CR1: variants seen among roughly 807,000 people sequenced by gnomAD.
CR1 encodes the protein complement C3b/C4b receptor 1 (Knops blood group), also known as complement receptor type 1.
CR1 carries 116 observed loss-of-function variants against 187.3 expected under a neutral mutation model. That is an observed-to-expected ratio of 0.62 (90% CI 0.53 to 0.72). The LOEUF is 0.72. Ranked by LOEUF, CR1 falls within the 30% of genes least tolerant of loss-of-function variation. The pLI is 0.00. For missense variants in CR1, 1,731 were observed against 2,110.7 expected, an observed-to-expected ratio of 0.82 and a Z score of 3.52; for synonymous variants, 576 against 747.1, an observed-to-expected ratio of 0.77 and a Z score of 3.73.
intron 4 of CR1, among the ~76,000 whole-genome samples, chr1:207,522,756 TTTTTAA>T (rs148227078): frequency 0.013 from 2,050 of 152,348 alleles, 47 homozygotes; most frequent in African/African-American, 0.046. Context: ...AAAATTTTTA[TTTTTAA>T]TTTTAATTCA....
chr1:207,615,413 T>G (rs1314299959), intron 40 of CR1, among the ~76,000 whole-genome samples: 2 of 152,174 alleles, frequency 1.3e-5, no homozygotes, highest in Admixed American at 6.5e-5. Flanking sequence ...ATATGATAAA[T>G]TAGTACGATG....
rs752881313 is a variant in CR1, at chr1:207,523,816, G to A, written c.693G>A (p.Gln231=). ...GCATCTGGAGCGGCCCCGCCCCTCA[G>A]TGCATTATACCTAACAAATGCACGC... ...QVGIWSGPAP[Q]CIIPNKCTPP... is the part of the protein sequence containing the mutation. Residue 231 remains glutamine (Q), a synonymous_variant, in exon 5 of 47, where the codon CAG becomes CAA. Transcript: ENST00000367049. 9.3e-6 allele frequency: 15 copies of A among 1,611,746 alleles called. No individual in the cohort carries two copies. In the African/African-American group the frequency reaches 1.7e-4, roughly 19 times the overall value.
intron 41 of CR1, among the ~76,000 whole-genome samples, chr1:207,617,616 GAGAGAGAGAGAGAGAGA>G (rs1240760350): frequency 4.4e-4 from 6 of 13,506 alleles, no homozygotes; most frequent in African/African-American, 1.2e-3. Flanking sequence ...TATATATAGA[GAGAGAGAGAGAGAGAGA>G]GAGAGAGAGA....
intron 45 of CR1, among the ~76,000 whole-genome samples, chr1:207,625,387 A>G (rs980651339): frequency 3.3e-5 from 5 of 152,256 alleles, no homozygotes; most frequent in Admixed American, 1.3e-4. Context: ...CCTCCCAAAC[A>G]TCTATGTAAC....
chr1:207,508,252 G>A (rs1426955918), intron 3 of CR1, among the ~76,000 whole-genome samples: 1 of 152,208 alleles, frequency 6.6e-6, no homozygotes, highest in Non-Finnish European at 1.5e-5. Context: ...AAGTCATATA[G>A]TGTACAATAC....
chr1:207,580,678 T>C, intron 31 of CR1, 65 bp downstream of exon 31: 1 of 1,432,514 alleles, frequency 7.0e-7, no homozygotes, highest in Non-Finnish European at 9.7e-7. Flanking sequence ...AGCTTAAGGA[T>C]CAATCCAAAA....
Position 207,639,997 on chromosome 1 carries a change from T to C in CR1, c.*588T>C, listed in dbSNP as rs1662933512. ...GTCTTTTAAACAGTTTAGAGTGAAATATATGCTATATCAGTTTTTACTTTC... is the reference window on the plus strand; with the variant it reads ...GTCTTTTAAACAGTTTAGAGTGAAACATATGCTATATCAGTTTTTACTTTC... On this transcript the variant is annotated 3_prime_UTR_variant, in exon 47 of 47. Coordinates refer to ENST00000367049, the MANE Select transcript of CR1 (RefSeq NM_000651.6). The C allele has an allele frequency of 6.6e-6, 1 of 152,278 alleles. No individual in the cohort carries two copies. Among genetic ancestry groups the C allele is most frequent in the African/African-American group, 2.4e-5 (1 of 41,454 alleles). The allele number at this position is 152,278 out of a possible 1,614,324, so 9.4% of individuals were successfully genotyped here.
intron 33 of CR1, among the ~76,000 whole-genome samples, chr1:207,585,439 T>C (rs909138924): frequency 2.4e-4 from 37 of 152,324 alleles, no homozygotes; most frequent in Non-Finnish European, 2.2e-4. Flanking sequence ...ACTGTTCCAC[T>C]CAGGGGGTAA....
intron 24 of CR1, among the ~76,000 whole-genome samples, chr1:207,567,123 G>A (rs578143189): frequency 2.0e-5 from 3 of 150,366 alleles, no homozygotes; most frequent in Non-Finnish European, 2.9e-5. Context: ...AATTAGAAAT[G>A]AGGAAGAGAC....
At position 207,523,657 on chromosome 1, in the gene CR1, T is replaced by C. The variant is rs1173705750; in HGVS notation, c.534T>C (p.Ile178=). ...CCACCATCACCAATGGAGATTTCAT[T>C]AGCACCAACAGAGAGAATTTTCACT... ...LPPTITNGDF[I]STNRENFHYG... is the part of the protein sequence containing the mutation. The change falls in exon 5 of 47, where the codon ATT becomes ATC. Residue 178 remains isoleucine (I), a synonymous_variant. Transcript: ENST00000367049. 8 of 1,613,828 alleles carry C rather than the reference T, an allele frequency of 5.0e-6. No individual in the cohort carries two copies. Among genetic ancestry groups the C allele is most frequent in the Non-Finnish European group, 6.8e-6 (8 of 1,179,896 alleles).
intron 4 of CR1, among the ~76,000 whole-genome samples, chr1:207,516,597 A>T (rs1239322058): frequency 6.6e-6 from 1 of 152,172 alleles, no homozygotes; most frequent in Non-Finnish European, 1.5e-5. Context: ...ACAAGTAACA[A>T]ATTTACAGTT....
At chr1:207,498,633 C>T (rs1659162312) in intron 1 of CR1, among the ~76,000 whole-genome samples, 1 of 151,986 alleles carries the variant, frequency 6.6e-6, no homozygotes, top group Non-Finnish European at 1.5e-5. Context: ...AATCCCAGCA[C>T]TTTGGGAGGC....
intron 3 of CR1, among the ~76,000 whole-genome samples, chr1:207,507,869 C>T (rs1218343158): frequency 6.6e-6 from 1 of 151,722 alleles, no homozygotes; most frequent in Non-Finnish European, 1.5e-5. Context: ...ATTGCCAAAA[C>T]TTGGAAGCAA....
chr1:207,523,960 G>C lies in CR1; in HGVS notation c.837G>C (p.Lys279Asn), dbSNP rs1313476388. ...GFVMKGPRRV[K>N]CQALNKWEPE... ...TCATGAAAGGACCCCGCCGTGTGAA[G>C]TGCCAGGCCCTGAACAAATGGGAGC... The change falls in exon 5 of 47, where the codon AAG becomes AAC. Residue 279 changes from lysine to asparagine, a missense_variant. Transcript: ENST00000367049. 1 of 1,611,796 alleles carries C rather than the reference G, an allele frequency of 6.2e-7. No individual in the cohort carries two copies. The highest frequency in any genetic ancestry group is 2.2e-5 in the East Asian group (1 of 44,892).
intron 34 of CR1, among the ~76,000 whole-genome samples, chr1:207,588,064 C>A (rs577762784): frequency 1.3e-5 from 2 of 152,302 alleles, no homozygotes; most frequent in South Asian, 4.1e-4. Context: ...GGGGAGACAT[C>A]CCAAATTTTG....
At chr1:207,624,121 T>C (rs773090733) in intron 45 of CR1, among the ~76,000 whole-genome samples, 21 of 151,876 alleles carry the variant, frequency 1.4e-4, no homozygotes, top group Non-Finnish European at 2.9e-4. Flanking sequence ...AGAAAGGGTT[T>C]TGCCATCTTG....
rs1660401500 is a variant in CR1, at chr1:207,563,929, C to A, written c.3652C>A (p.Pro1218Thr). ...CCAAAGGGACAAGGACAACTTTTCA[C>A]CCGGGCAGGAAGTGTTCTACAGCTG... ...RTQRDKDNFS[P>T]GQEVFYSCEP... The change falls in exon 22 of 47, where the codon CCC becomes ACC. Residue 1218 changes from proline (P) to threonine (T), a missense_variant. Transcript: ENST00000367049. 2 of 1,505,078 alleles carry A rather than the reference C, an allele frequency of 1.3e-6. No homozygotes were observed. The highest frequency in any genetic ancestry group is 1.8e-6 in the Non-Finnish European group (2 of 1,142,814). The allele number at this position is 1,505,078 out of a possible 1,614,324, so 93.2% of individuals were successfully genotyped here.
intron 1 of CR1, among the ~76,000 whole-genome samples, chr1:207,502,578 G>T (rs764512228): frequency 3.9e-5 from 6 of 152,116 alleles, no homozygotes; most frequent in Non-Finnish European, 5.9e-5. Context: ...AAGGGGAAAG[G>T]GCCACACCTT....
chr1:207,589,845 A>T (rs888491053), intron 35 of CR1, among the ~76,000 whole-genome samples: 1 of 152,238 alleles, frequency 6.6e-6, no homozygotes, highest in Non-Finnish European at 1.5e-5. Context: ...AGCCGAATCG[A>T]TCAAGTGAAA....
Sources: allele counts gnomAD v4.1 joint callset (sites outside exome capture counted in the v4.1 genomes callset), GRCh38; gene constraint gnomAD v4.1.1; transcripts MANE v1.5; gene names NCBI Gene and HGNC (gene_info 2026-07-23, HGNC 2026-07-21).